Variants in TMOD3 observed in about 807,000 individuals in gnomAD.
TMOD3 encodes tropomodulin 3.
Under a neutral mutation model 39.2 loss-of-function variants are expected in TMOD3, and 20 were observed. That is an observed-to-expected ratio of 0.51 (90% CI 0.36 to 0.74). The LOEUF is 0.74. TMOD3 is among the 30% of genes least tolerant of loss of function. TMOD3 has a pLI of 0.00. For missense variants in TMOD3, 381 were observed against 412.8 expected, an observed-to-expected ratio of 0.92 and a Z score of 0.67; for synonymous variants, 143 against 145.8, an observed-to-expected ratio of 0.98 and a Z score of 0.14.
intron 1 of TMOD3, among the ~76,000 whole-genome samples, chr15:51,839,710 G>T (rs966509248): frequency 1.3e-5 from 2 of 151,950 alleles, no homozygotes; most frequent in African/African-American, 4.8e-5. Context: ...ACCACACCTG[G>T]CTAATTTTTC....
intron 1 of TMOD3, among the ~76,000 whole-genome samples, chr15:51,831,022 T>C (rs545242621): frequency 1.3e-5 from 2 of 152,310 alleles, no homozygotes; most frequent in African/African-American, 4.8e-5. Flanking sequence ...TGCTGATCTT[T>C]AAAATTAGGT....
At position 51,893,843 on chromosome 15, in the gene TMOD3, G is replaced by A. The variant is rs553066857; in HGVS notation, c.525G>A (p.Pro175=). ...SNVVKGEKIL[P]VFDEPPNPTN... ...TGGTCAAAGGTGAAAAGATTCTTCC[G>A]GTATTTGATGAGCCACCAAATCCAA... Residue 175 remains proline (P), a synonymous_variant, in exon 6 of 10, where the codon CCG becomes CCA. Coordinates refer to ENST00000308580, the MANE Select transcript of TMOD3 (RefSeq NM_014547.5). 39 of 1,606,426 alleles carry A rather than the reference G, an allele frequency of 2.4e-5. No individual in the cohort carries two copies. The highest frequency in any genetic ancestry group is 1.5e-4 in the African/African-American group (11 of 74,746).
chr15:51,885,750 G>T (rs1262003855), intron 3 of TMOD3, among the ~76,000 whole-genome samples: 3 of 152,148 alleles, frequency 2.0e-5, no homozygotes, highest in Non-Finnish European at 4.4e-5. Context: ...TCCCCCTTTT[G>T]TATTCGACAA....
At chr15:51,867,808 A>G (rs567452316) in intron 2 of TMOD3, among the ~76,000 whole-genome samples, 1 of 152,200 alleles carries the variant, frequency 6.6e-6, no homozygotes, top group Admixed American at 6.5e-5. Context: ...GCTTTTGACA[A>G]GTGAAAGGAC....
Position 51,841,170 on chromosome 15 carries a change from C to G in TMOD3, c.-75+11334C>G, listed in dbSNP as rs145478965. On this transcript the variant is annotated intron_variant, in intron 1 of 9. Transcript: ENST00000308580. ...GAGATGTGTATGATAAAGTGCCTGG[C>G]ATATAACAGGTATACAAACAAAAAT... 4.3e-4 allele frequency among the ~76,000 whole-genome samples: 66 copies of G among 152,252 alleles called. 1 individual carries two copies. In the East Asian group the frequency reaches 0.012, roughly 27 times the overall value.
At chr15:51,879,856 T>TCACACACACACAGA (rs1555387136) in intron 3 of TMOD3, among the ~76,000 whole-genome samples, 1 of 142,558 alleles carries the variant, frequency 7.0e-6, no homozygotes, top group Non-Finnish European at 1.5e-5. Flanking sequence ...TCTCTGTCTT[T>TCACACACACACAGA]CACACACACA....
intron 1 of TMOD3, chr15:51,859,532 A>G (rs970422816): frequency 9.6e-6 from 6 of 627,208 alleles, no homozygotes; most frequent in Admixed American, 3.7e-5. Flanking sequence ...GATAAGCCCA[A>G]TCCAGGTACT....
At chr15:51,901,813 T>C (rs1273883755) in intron 8 of TMOD3, 79 bp from the exon 9 acceptor site, 1 of 1,406,062 alleles carries the variant, frequency 7.1e-7, no homozygotes, top group African/African-American at 1.4e-5. Context: ...AATTAGCATG[T>C]GCCTGAATGT....
chr15:51,881,428 A>G (rs947354752), intron 3 of TMOD3, among the ~76,000 whole-genome samples: 3 of 152,062 alleles, frequency 2.0e-5, no homozygotes, highest in African/African-American at 7.2e-5. Context: ...TTGCCCCACA[A>G]AAGTTTTTAA....
At chr15:51,872,875 A>G (rs1279165956) in intron 3 of TMOD3, among the ~76,000 whole-genome samples, 4 of 152,166 alleles carry the variant, frequency 2.6e-5, no homozygotes, top group Admixed American at 2.0e-4. Flanking sequence ...GGTCCAGAAC[A>G]ACCATGGGAT....
chr15:51,869,634 G>A (rs899205383), intron 3 of TMOD3, among the ~76,000 whole-genome samples: 1 of 152,092 alleles, frequency 6.6e-6, no homozygotes, highest in Non-Finnish European at 1.5e-5. Flanking sequence ...TACTATAACA[G>A]ATCTAAAAGT....
intron 7 of TMOD3, among the ~76,000 whole-genome samples, chr15:51,898,848 A>AC (rs142107840): frequency 0.029 from 4,283 of 147,622 alleles, 199 homozygotes; most frequent in African/African-American, 0.1. Context: ...CTCTCTTCCT[A>AC]CCTCTGTCTC....
At chr15:51,889,992 C>T (rs541302997) in intron 5 of TMOD3, among the ~76,000 whole-genome samples, 1 of 152,226 alleles carries the variant, frequency 6.6e-6, no homozygotes, top group Admixed American at 6.5e-5. Flanking sequence ...CCATCATGCC[C>T]TCTACTTCCC....
intron 1 of TMOD3, among the ~76,000 whole-genome samples, chr15:51,838,566 C>G (rs190450211): frequency 6.6e-6 from 1 of 152,240 alleles, no homozygotes; most frequent in East Asian, 1.9e-4. Context: ...TTGTAGGGCT[C>G]TCTTTGGCTT....
intron 1 of TMOD3, among the ~76,000 whole-genome samples, chr15:51,856,634 C>A (rs2056389144): frequency 6.7e-6 from 1 of 150,262 alleles, no homozygotes; most frequent in South Asian, 2.1e-4. Context: ...GCAAAAGATT[C>A]TTCACACAAT....
chr15:51,866,420 T>C (rs1318725968), intron 2 of TMOD3, among the ~76,000 whole-genome samples: 1 of 151,768 alleles, frequency 6.6e-6, no homozygotes, highest in African/African-American at 2.4e-5. Context: ...ATCGCACCAC[T>C]GTACTCCAGC....
chr15:51,897,041 TA>T (rs762887368), intron 7 of TMOD3, among the ~76,000 whole-genome samples: 1 of 152,270 alleles, frequency 6.6e-6, no homozygotes, highest in African/African-American at 2.4e-5. Context: ...TTGATCATGG[TA>T]TAAACCTTTT....
At position 51,832,229 on chromosome 15, in the gene TMOD3, A is replaced by ATG. The variant is rs2056260009; in HGVS notation, c.-75+2394_-75+2395insGT. 2.2e-5 allele frequency among the ~76,000 whole-genome samples: 3 copies of ATG among 136,150 alleles called. 1 individual carries two copies. Among genetic ancestry groups the ATG allele is most frequent in the South Asian group, 4.5e-4 (2 of 4,492 alleles). The allele number at this position is 136,150 out of a possible 152,430, so 89.3% of individuals were successfully genotyped here. A position where few individuals can be genotyped will look rare whatever the true frequency, so the allele number is the denominator to read the frequency against. On this transcript the variant is annotated intron_variant, in intron 1 of 9. Coordinates refer to ENST00000308580, the MANE Select transcript of TMOD3 (RefSeq NM_014547.5). ...TATATATATATATATATATATATAT[A>ATG]TATGAATGACATGGTTCCTGTCTAG...
chr15:51,851,228 G>C (rs887450413), intron 1 of TMOD3, among the ~76,000 whole-genome samples: 1 of 152,112 alleles, frequency 6.6e-6, no homozygotes, highest in Non-Finnish European at 1.5e-5. Flanking sequence ...TCAGAGTAAG[G>C]GGATCATCAC....
Sources: allele counts gnomAD v4.1 joint callset (sites outside exome capture counted in the v4.1 genomes callset), GRCh38; gene constraint gnomAD v4.1.1; transcripts MANE v1.5; gene names NCBI Gene and HGNC (gene_info 2026-07-23, HGNC 2026-07-21).